Variants in MSRA observed in about 807,000 individuals in gnomAD.
MSRA encodes the protein mitochondrial peptide methionine sulfoxide reductase.
In MSRA, 54 loss-of-function variants were observed where a neutral mutation model predicts 31.3. That is an observed-to-expected ratio of 1.73 (90% CI 1.39 to 2.17). The LOEUF is 2.17. Ranked by LOEUF, MSRA falls within the 30% of genes most tolerant of loss-of-function variation. The pLI, the probability that MSRA is intolerant of heterozygous loss-of-function variation, is 0.00. For synonymous variants in MSRA, 169 were observed against 116.5 expected (o/e 1.45, Z -2.90); for missense variants, 507 against 300.9 (o/e 1.69, Z -5.07).
intron 5 of MSRA, among the ~76,000 whole-genome samples, chr8:10,327,592 G>A (rs1371201307): frequency 6.6e-6 from 1 of 152,162 alleles, no homozygotes; most frequent in Non-Finnish European, 1.5e-5. Context: ...ACTGGTGTGT[G>A]TGTTTTGTTG....
At chr8:10,164,117 C>T (rs1269191760) in intron 1 of MSRA, among the ~76,000 whole-genome samples, 1 of 152,228 alleles carries the variant, frequency 6.6e-6, no homozygotes, top group Non-Finnish European at 1.5e-5. Context: ...CGCATACTTA[C>T]ACAGCTAGCG....
chr8:10,342,740 C>G (rs1218306930), intron 5 of MSRA, among the ~76,000 whole-genome samples: 1 of 152,202 alleles, frequency 6.6e-6, no homozygotes, highest in Admixed American at 6.5e-5. Context: ...CAAGCTCACA[C>G]AGCGTGGGTG....
chr8:10,271,374 A>G (rs925148509), intron 3 of MSRA, among the ~76,000 whole-genome samples: 5 of 152,162 alleles, frequency 3.3e-5, no homozygotes, highest in Non-Finnish European at 7.3e-5. Flanking sequence ...AAAAGGGGAG[A>G]GGGCCTTCTC....
chr8:10,113,287 G>GTTTTTTTT (rs1412167930), intron 1 of MSRA, among the ~76,000 whole-genome samples: 1 of 6,308 alleles, frequency 1.6e-4, no homozygotes, highest in African/African-American at 4.6e-4. Context: ...GTGAAGACAG[G>GTTTTTTTT]TCTTCTTTTT....
chr8:10,083,744 T>G (rs1301731137), intron 1 of MSRA, among the ~76,000 whole-genome samples: 1 of 152,202 alleles, frequency 6.6e-6, no homozygotes, highest in Non-Finnish European at 1.5e-5. Flanking sequence ...TAAACAGTGA[T>G]TTTTGAAGAT....
intron 5 of MSRA, among the ~76,000 whole-genome samples, chr8:10,396,262 ACT>A (rs1472781435): frequency 6.6e-6 from 1 of 152,210 alleles, no homozygotes; most frequent in Non-Finnish European, 1.5e-5. Context: ...TCTCAGGTGC[ACT>A]GTCTCTTCCT....
At chr8:10,364,729 C>T (rs1805057673) in intron 5 of MSRA, among the ~76,000 whole-genome samples, 1 of 152,164 alleles carries the variant, frequency 6.6e-6, no homozygotes. Flanking sequence ...CAGTTCATTC[C>T]CTCGGCAGAT....
At chr8:10,232,310 T>C (rs1001441118) in intron 2 of MSRA, among the ~76,000 whole-genome samples, 1 of 152,120 alleles carries the variant, frequency 6.6e-6, no homozygotes, top group Non-Finnish European at 1.5e-5. Flanking sequence ...CCATCTGTTG[T>C]TGGAGGGTTT....
chr8:10,217,006 T>C (rs1055053418), intron 2 of MSRA, among the ~76,000 whole-genome samples: 19 of 152,240 alleles, frequency 1.2e-4, no homozygotes, highest in African/African-American at 4.1e-4. Context: ...GGCTATACTT[T>C]TACATTCCCA....
chr8:10,077,370 A>G (rs113617299), intron 1 of MSRA, among the ~76,000 whole-genome samples: 1,614 of 152,298 alleles, frequency 0.011, 27 homozygotes, highest in African/African-American at 0.035. Context: ...GAGAGACTCA[A>G]AAATGTGTGT....
At chr8:10,385,501 T>C (rs1333385077) in intron 5 of MSRA, among the ~76,000 whole-genome samples, 1 of 152,004 alleles carries the variant, frequency 6.6e-6, no homozygotes, top group Non-Finnish European at 1.5e-5. Context: ...GGCTGAAAGA[T>C]GGGACAGGAT....
chr8:10,227,708 TAATC>T (rs1414040736), intron 2 of MSRA, among the ~76,000 whole-genome samples: 5 of 152,170 alleles, frequency 3.3e-5, no homozygotes, highest in Non-Finnish European at 2.9e-5. Context: ...AAAGAAAAAT[TAATC>T]AAATTAAAGC....
At chr8:10,121,869 C>T (rs1384243472) in intron 1 of MSRA, among the ~76,000 whole-genome samples, 2 of 148,326 alleles carry the variant, frequency 1.3e-5, no homozygotes. Flanking sequence ...TTGGTAGAAA[C>T]AGGGTTTTGT....
chr8:10,327,921 A>G (rs1802458596), intron 5 of MSRA, among the ~76,000 whole-genome samples: 2 of 151,918 alleles, frequency 1.3e-5, no homozygotes, highest in South Asian at 4.1e-4. Context: ...CTCCGTCTCA[A>G]CAACTAGAAC....
chr8:10,340,239 C>A (rs1803338398), intron 5 of MSRA, among the ~76,000 whole-genome samples: 1 of 152,116 alleles, frequency 6.6e-6, no homozygotes, highest in African/African-American at 2.4e-5. Flanking sequence ...GTCTCCCAAG[C>A]TGACCCCAGG....
chr8:10,253,799 T>C (rs1798037307), intron 3 of MSRA, among the ~76,000 whole-genome samples: 1 of 152,184 alleles, frequency 6.6e-6, no homozygotes, highest in African/African-American at 2.4e-5. Context: ...TGCTGGGTCT[T>C]AATTACTTCA....
chr8:10,149,726 T>C (rs1304956195), intron 1 of MSRA, among the ~76,000 whole-genome samples: 1 of 151,142 alleles, frequency 6.6e-6, no homozygotes, highest in Non-Finnish European at 1.5e-5. Context: ...CATGTACATA[T>C]AGTGGTTTCC....
intron 4 of MSRA, among the ~76,000 whole-genome samples, chr8:10,311,126 T>G (rs1301758211): frequency 6.6e-6 from 1 of 152,190 alleles, no homozygotes; most frequent in Non-Finnish European, 1.5e-5. Context: ...TCAGAGCTGG[T>G]AACACTGGCA....
At chr8:10,103,696 G>C (rs537548493) in intron 1 of MSRA, among the ~76,000 whole-genome samples, 1 of 152,012 alleles carries the variant, frequency 6.6e-6, no homozygotes, top group East Asian at 1.9e-4. Context: ...CCAATAGACT[G>C]TTTTATATAT....
Sources: allele counts gnomAD v4.1 joint callset (sites outside exome capture counted in the v4.1 genomes callset), GRCh38; gene constraint gnomAD v4.1.1; transcripts MANE v1.5; gene names NCBI Gene and HGNC (gene_info 2026-07-23, HGNC 2026-07-21).